The following KCNMA1 variants were observed in gnomAD, a reference collection of about 807,000 sequenced individuals.
KCNMA1 encodes the protein potassium calcium-activated channel subfamily M alpha 1.
Under a neutral mutation model 140.0 loss-of-function variants are expected in KCNMA1, and 29 were observed. The observed-to-expected ratio is 0.21, with a 90% CI of 0.15 to 0.28. The LOEUF (loss-of-function observed/expected upper bound fraction) is 0.28, where lower values mean the gene tolerates loss of function less well. Ranked by LOEUF, KCNMA1 falls within the 10% of genes least tolerant of loss-of-function variation. The probability of loss-of-function intolerance (pLI) is 1.00; values close to 1 mark genes in which losing one functional copy is unlikely to be tolerated. For missense variants in KCNMA1, 880 were observed against 1,602.2 expected, an observed-to-expected ratio of 0.55 and a Z score of 7.70; for synonymous variants, 612 against 611.9, an observed-to-expected ratio of 1.00 and a Z score of 0.00.
At chr10:77,366,357 C>A (rs1218824727) in intron 2 of KCNMA1, among the ~76,000 whole-genome samples, 1 of 152,108 alleles carries the variant, frequency 6.6e-6, no homozygotes, top group Non-Finnish European at 1.5e-5. Context: ...TTATTAGAGA[C>A]AGGGTTTCAC....
chr10:77,136,391 A>T (rs941489188), intron 5 of KCNMA1, among the ~76,000 whole-genome samples: 4 of 152,174 alleles, frequency 2.6e-5, no homozygotes, highest in Non-Finnish European at 5.9e-5. Flanking sequence ...GATTACCAGG[A>T]GCTGAGGGGA....
rs200500216 is a variant in KCNMA1 at position 77,084,675 on chromosome 10, G to A, written c.1485C>T (p.Cys495=). 68 of 1,613,982 alleles carry A rather than the reference G, an allele frequency of 4.2e-5. No homozygotes were observed. The highest frequency in any genetic ancestry group is 8.8e-5 in the South Asian group (8 of 91,084). The change falls in exon 12 of 28, where the codon TGC becomes TGT. Residue 495 remains cysteine (C), a synonymous_variant. Coordinates refer to ENST00000286628, the MANE Select transcript of KCNMA1 (RefSeq NM_001161352.2). ...AGGCATCCTCCGCATCCGGGTCAGC[G>A]CAGTACTTGTTGGCAAGGATCAGGC... is the stretch of plus-strand genomic sequence containing the variant. ...DACLILANKY[C]ADPDAEDASN...
chr10:77,052,620 CA>C (rs5786258), intron 14 of KCNMA1, among the ~76,000 whole-genome samples: 113 of 141,520 alleles, frequency 8.0e-4, no homozygotes, highest in African/African-American at 1.7e-3. Flanking sequence ...GATGAGTGTG[CA>C]AAAAAAAAAA....
At chr10:76,881,755 G>A (rs2034755457), downstream of KCNMA1, among the ~76,000 whole-genome samples, 1 of 152,184 alleles carries the variant, frequency 6.6e-6, no homozygotes, top group Non-Finnish European at 1.5e-5. Context: ...GAGAACAGGG[G>A]TGTGTATATC....
chr10:77,352,173 T>C (rs1324337153), intron 2 of KCNMA1, among the ~76,000 whole-genome samples: 1 of 152,246 alleles, frequency 6.6e-6, no homozygotes, highest in Non-Finnish European at 1.5e-5. Flanking sequence ...AAAATACACA[T>C]TGACGGTTCT....
At chr10:77,111,917 A>G (rs967294600) in intron 7 of KCNMA1, among the ~76,000 whole-genome samples, 35 of 152,212 alleles carry the variant, frequency 2.3e-4, no homozygotes, top group Non-Finnish European at 3.7e-4. Flanking sequence ...TTGAGGTACA[A>G]ATCAGACAAA....
At chr10:76,916,812 C>T (rs574437299) in intron 23 of KCNMA1, among the ~76,000 whole-genome samples, 30 of 152,286 alleles carry the variant, frequency 2.0e-4, no homozygotes, top group Non-Finnish European at 3.1e-4. Context: ...TTTGGAGGTG[C>T]ATAATGCATA....
At chr10:77,225,069 T>C (rs760506041) in intron 3 of KCNMA1, among the ~76,000 whole-genome samples, 2 of 152,122 alleles carry the variant, frequency 1.3e-5, no homozygotes, top group South Asian at 2.1e-4. Flanking sequence ...AGTGAATGAA[T>C]AAAGCGAATC....
intron 14 of KCNMA1, among the ~76,000 whole-genome samples, chr10:77,043,276 C>T (rs1199157927): frequency 6.6e-6 from 1 of 152,162 alleles, no homozygotes; most frequent in African/African-American, 2.4e-5. Flanking sequence ...AACACTATTT[C>T]CATATGGATA....
At chr10:77,002,499 G>A (rs1474806532) in intron 18 of KCNMA1, among the ~76,000 whole-genome samples, 8 of 152,164 alleles carry the variant, frequency 5.3e-5, no homozygotes, top group South Asian at 2.1e-4. Flanking sequence ...GAAAATATTC[G>A]CCAAAATCGA....
At chr10:76,976,582 C>A (rs1417054741) in intron 19 of KCNMA1, among the ~76,000 whole-genome samples, 1 of 152,088 alleles carries the variant, frequency 6.6e-6, no homozygotes, top group Non-Finnish European at 1.5e-5. Context: ...AGGCCCTCAA[C>A]CCCAATCTCA....
chr10:76,963,029 C>T (rs539733167), intron 20 of KCNMA1, among the ~76,000 whole-genome samples: 3 of 152,264 alleles, frequency 2.0e-5, no homozygotes, highest in Non-Finnish European at 4.4e-5. Context: ...GAAGGACAAC[C>T]CTAAATTATG....
chr10:77,371,237 G>A (rs1566344911), intron 2 of KCNMA1, among the ~76,000 whole-genome samples: 1 of 152,134 alleles, frequency 6.6e-6, no homozygotes. Flanking sequence ...ACTCTGCTCA[G>A]TATGATATGT....
intron 2 of KCNMA1, among the ~76,000 whole-genome samples, chr10:77,339,394 T>C (rs796721057): frequency 1.3e-5 from 2 of 152,300 alleles, no homozygotes; most frequent in African/African-American, 4.8e-5. Flanking sequence ...AGCCTTGCAA[T>C]TGGCTACAGG....
chr10:77,603,316 C>A (rs751939581), intron 1 of KCNMA1, among the ~76,000 whole-genome samples: 1 of 152,252 alleles, frequency 6.6e-6, no homozygotes, highest in South Asian at 2.1e-4. Flanking sequence ...ATCTCCACCC[C>A]CTCAGCCATG....
intron 1 of KCNMA1, chr10:77,636,482 C>G (rs1186413448): frequency 6.5e-7 from 1 of 1,536,204 alleles, no homozygotes; most frequent in South Asian, 1.2e-5. Context: ...CTCCGCGCTG[C>G]TGGTGGCATT....
At chr10:77,259,257 G>A (rs1458440946) in intron 2 of KCNMA1, among the ~76,000 whole-genome samples, 4 of 152,148 alleles carry the variant, frequency 2.6e-5, no homozygotes, top group Non-Finnish European at 4.4e-5. Context: ...TGGGATTATA[G>A]CATTAAAATA....
At chr10:77,363,951 C>T (rs1410876664) in intron 2 of KCNMA1, among the ~76,000 whole-genome samples, 1 of 152,122 alleles carries the variant, frequency 6.6e-6, no homozygotes, top group African/African-American at 2.4e-5. Context: ...TTATTGTCCT[C>T]GCTCTCTGAC....
rs185035926 is a variant in KCNMA1 at position 77,094,732 on chromosome 10, G to T, written c.1224-4222C>A. On this transcript the variant is annotated intron_variant, in intron 9 of 27. Coordinates refer to ENST00000286628, the MANE Select transcript of KCNMA1 (RefSeq NM_001161352.2). Reference sequence around the variant, plus strand: ...ATTTATTTTTTAGAGACAGGGTATTGCTCTGTTGCCCAGGCTGGAGTACAG... The same window carrying T: ...ATTTATTTTTTAGAGACAGGGTATTTCTCTGTTGCCCAGGCTGGAGTACAG... Among the ~76,000 whole-genome samples the T allele has an allele frequency of 8.6e-4, 131 of 152,232 alleles. No homozygotes were observed. In the Middle Eastern group the frequency reaches 0.01, roughly 12 times the overall value.
Sources: allele counts gnomAD v4.1 joint callset (sites outside exome capture counted in the v4.1 genomes callset), GRCh38; gene constraint gnomAD v4.1.1; transcripts MANE v1.5; gene names NCBI Gene and HGNC (gene_info 2026-07-23, HGNC 2026-07-21).